Variants in TCP11L2 observed in about 807,000 individuals in gnomAD.
TCP11L2 encodes T-complex protein 11-like protein 2.
Under a neutral mutation model 50.7 loss-of-function variants are expected in TCP11L2, and 39 were observed. The ratio of observed to expected loss-of-function variants is 0.77; its 90% CI spans 0.60 to 1.01. TCP11L2 has a LOEUF of 1.01. TCP11L2 is among the 50% of genes least tolerant of loss of function. The pLI is 0.00. For missense variants in TCP11L2, 612 were observed against 614.7 expected (o/e 1.00, Z 0.05); for synonymous variants, 192 against 219.3 (o/e 0.88, Z 1.10).
chr12:106,335,771 A>G lies in TCP11L2; in HGVS notation c.905A>G (p.Asn302Ser). 6.2e-7 allele frequency: 1 copy of G among 1,614,256 alleles called. No homozygotes were observed. The highest frequency in any genetic ancestry group is 8.5e-7 in the Non-Finnish European group (1 of 1,180,044). ...KPSLSPTLVL[N>S]NSYLKLLQWD... is the part of the protein sequence containing the mutation. ...AGCCTGAGCCCTACTTTGGTGCTAA[A>G]TAATAGTTACTTGAAACTGTTACAG... is the stretch of plus-strand genomic sequence containing the variant. Residue 302 changes from asparagine to serine, a missense_variant, in exon 7 of 10, where the codon AAT (asparagine) becomes AGT (serine). Physicochemically the swap from Asn to Ser is conservative, Grantham distance 46. Transcript: ENST00000299045.
chr12:106,309,932 G>T (rs1402660729), intron 1 of TCP11L2, among the ~76,000 whole-genome samples: 1 of 152,116 alleles, frequency 6.6e-6, no homozygotes, highest in African/African-American at 2.4e-5. Context: ...GCATGGGCTG[G>T]TTTAGGTTTA....
Position 106,336,211 on chromosome 12 carries a change from A to G in TCP11L2, c.1140A>G (p.Lys380=). Residue 380 remains lysine (K), a splice_region_variant and synonymous_variant, in exon 8 of 10, where the codon AAA becomes AAG. Transcript: ENST00000299045. ...CTGTTCTACTTGAAGGCATGAACAA[A>G]GAGTAAGTTCCAAATTTTTGCATCT... ...ISAVLLEGMN[K]ETFNLKEVLN... is the part of the protein sequence containing the mutation. 1 of 1,603,402 alleles carries G rather than the reference A, an allele frequency of 6.2e-7. No homozygotes were observed. Among genetic ancestry groups the G allele is most frequent in the Non-Finnish European group, 8.5e-7 (1 of 1,176,704 alleles).
chr12:106,336,298 G>A, intron 8 of TCP11L2, 85 bp downstream of exon 8: 1 of 1,271,324 alleles, frequency 7.9e-7, no homozygotes, highest in Non-Finnish European at 1.1e-6. Context: ...TTGGACATCT[G>A]GATGTGAGAT....
chr12:106,334,745 A>G (rs2035853746), intron 6 of TCP11L2, among the ~76,000 whole-genome samples: 1 of 152,162 alleles, frequency 6.6e-6, no homozygotes, highest in Non-Finnish European at 1.5e-5. Context: ...GATTGAGACC[A>G]TCCTGGCCAA....
At chr12:106,315,005 C>A (rs1274257091) in intron 3 of TCP11L2, among the ~76,000 whole-genome samples, 185 of 125,920 alleles carry the variant, frequency 1.5e-3, no homozygotes, top group African/African-American at 1.7e-3. Context: ...GACCCTGTCT[C>A]AAAAAAAAAA....
At position 106,318,455 on chromosome 12, in the gene TCP11L2, A is replaced by G. The variant is rs2035187168; in HGVS notation, c.405A>G (p.Glu135=). 1 of 1,613,696 alleles carries G rather than the reference A, an allele frequency of 6.2e-7. No homozygotes were observed. Among genetic ancestry groups the G allele is most frequent in the African/African-American group, 1.3e-5 (1 of 74,930 alleles). Residue 135 remains glutamate, a synonymous_variant, in exon 4 of 10, where the codon GAA becomes GAG. Coordinates refer to ENST00000299045, the MANE Select transcript of TCP11L2 (RefSeq NM_152772.3). ...EFEHAIKLFE[E]IREILLSFLT... ...AACATGCCATCAAACTGTTTGAAGA[A>G]ATCAGAGAGGCAAGTTGCTTTGTTG...
intron 4 of TCP11L2, among the ~76,000 whole-genome samples, chr12:106,319,863 T>C (rs912333030): frequency 3.3e-5 from 5 of 152,242 alleles, no homozygotes; most frequent in Admixed American, 1.3e-4. Flanking sequence ...CACAGTGTCC[T>C]CTGTAACTGA....
At chr12:106,324,748 A>G (rs2035477773) in intron 6 of TCP11L2, 1 of 152,150 alleles carries the variant, frequency 6.6e-6, no homozygotes, top group Admixed American at 6.5e-5. Context: ...TGAAGATTGG[A>G]TAAGGGAGAA....
chr12:106,319,109 C>T (rs2035232239), intron 4 of TCP11L2, among the ~76,000 whole-genome samples: 1 of 152,106 alleles, frequency 6.6e-6, no homozygotes, highest in Non-Finnish European at 1.5e-5. Context: ...GACGGGGTTT[C>T]ACCTTGTTAG....
intron 8 of TCP11L2, among the ~76,000 whole-genome samples, chr12:106,339,393 C>CAA (rs1158957113): frequency 2.6e-5 from 4 of 152,116 alleles, no homozygotes; most frequent in Admixed American, 2.6e-4. Context: ...TTGTTGAATG[C>CAA]ATAGTTTGCA....
chr12:106,317,295 C>T (rs2035126762), intron 3 of TCP11L2, among the ~76,000 whole-genome samples: 2 of 152,188 alleles, frequency 1.3e-5, no homozygotes, highest in South Asian at 2.1e-4. Context: ...GTGAGCAGAT[C>T]ACCTGAGGTC....
rs895390945 is a variant in TCP11L2 at position 106,302,816 on chromosome 12, TG to T, written c.-154del. 15 of 151,834 alleles carry T rather than the reference TG, an allele frequency of 9.9e-5. No homozygotes were observed. The East Asian group carries it at 2.0e-3, about 20-fold the overall frequency. 9.4% of individuals were successfully genotyped at this position (151,834 alleles called of 1,614,324 possible). A position where few individuals can be genotyped will look rare whatever the true frequency, so the allele number is the denominator to read the frequency against. ...ACCGCGTTGGGGGGGACACTGGGGC[TG>T]GGGGGGTTTGTTGGGCTGGTGAGTT... On this transcript the variant is annotated 5_prime_UTR_variant, in exon 1 of 10. Transcript: ENST00000299045.
chr12:106,327,219 A>T (rs1383041436), intron 6 of TCP11L2, among the ~76,000 whole-genome samples: 1 of 151,402 alleles, frequency 6.6e-6, no homozygotes, highest in East Asian at 1.9e-4. Flanking sequence ...TAAGAGACAG[A>T]GTCTCACTCT....
chr12:106,303,164 G>A (rs1031531411), intron 1 of TCP11L2: 1 of 152,246 alleles, frequency 6.6e-6, no homozygotes, highest in African/African-American at 2.4e-5. Context: ...AGCGGGGAGC[G>A]GGGCACCGAG....
intron 8 of TCP11L2, among the ~76,000 whole-genome samples, chr12:106,340,117 G>C (rs1460381105): frequency 2.6e-5 from 4 of 152,120 alleles, no homozygotes; most frequent in Non-Finnish European, 5.9e-5. Context: ...ATTTTGCAGA[G>C]TTATCTTAAG....
At position 106,311,161 on chromosome 12, in the gene TCP11L2, C is replaced by T. The variant is rs375276250; in HGVS notation, c.86C>T (p.Ser29Leu). 3.2e-5 allele frequency: 52 copies of T among 1,614,088 alleles called. No homozygotes were observed. In the African/African-American group the frequency reaches 3.9e-4, roughly 12 times the overall value. ...TCCCGGTTTTCCGAAAGCATGGCTT[C>T]GCTCAGTGACTATGAATGCTCCAGG... ...DSSRFSESMASLSDYECSRQS... is the reference protein window; with the variant it reads ...DSSRFSESMALLSDYECSRQS... Residue 29 changes from serine (S) to leucine (L), a missense_variant, in exon 2 of 10, where the codon TCG becomes TTG. Transcript: ENST00000299045.
intron 8 of TCP11L2, among the ~76,000 whole-genome samples, 177 bp downstream of exon 8, chr12:106,336,390 T>G (rs1054010102): frequency 2.0e-5 from 3 of 152,152 alleles, no homozygotes; most frequent in Non-Finnish European, 4.4e-5. Context: ...AGATGTCCTC[T>G]CATAGGAAGG....
rs1021532123 is a variant in TCP11L2, at chr12:106,313,167, G to A, written c.158-1191G>A. 6.6e-5 allele frequency among the ~76,000 whole-genome samples: 10 copies of A among 151,770 alleles called. No individual in the cohort carries two copies. In the East Asian group the frequency reaches 1.7e-3, roughly 26 times the overall value. On this transcript the variant is annotated intron_variant, in intron 2 of 9. Transcript: ENST00000299045. ...CTTCTTTACTTAAATTATCTCATTC[G>A]GTCACCTCAGGCCAACCCTGTGAGG...
intron 6 of TCP11L2, chr12:106,330,148 A>G: frequency 1.0e-6 from 1 of 985,476 alleles, no homozygotes; most frequent in Non-Finnish European, 1.2e-6. Flanking sequence ...AAGCAAAATA[A>G]AGTGAATTTT....
Sources: allele counts gnomAD v4.1 joint callset (sites outside exome capture counted in the v4.1 genomes callset), GRCh38; gene constraint gnomAD v4.1.1; transcripts MANE v1.5; gene names NCBI Gene and HGNC (gene_info 2026-07-23, HGNC 2026-07-21).